ALMS1: variants seen among roughly 807,000 people sequenced by gnomAD.
ALMS1 encodes centrosome-associated protein ALMS1.
Under a neutral mutation model 352.2 loss-of-function variants are expected in ALMS1, and 271 were observed. That is an observed-to-expected ratio of 0.77 (90% CI 0.70 to 0.85). ALMS1 has a LOEUF of 0.85. Ranked by LOEUF, ALMS1 falls within the 40% of genes least tolerant of loss-of-function variation. ALMS1 has a pLI of 0.00. For synonymous variants in ALMS1, 1,865 were observed against 1,761.2 expected (o/e 1.06, Z -1.48); for missense variants, 5,445 against 4,870.7 (o/e 1.12, Z -3.51).
At chr2:73,583,173 A>C (rs1315996830) in intron 16 of ALMS1, among the ~76,000 whole-genome samples, 1 of 150,354 alleles carries the variant, frequency 6.7e-6, no homozygotes, top group Non-Finnish European at 1.5e-5. Flanking sequence ...CTTTAGAGAA[A>C]TGTCTATTCA....
intron 9 of ALMS1, among the ~76,000 whole-genome samples, chr2:73,464,320 T>C (rs1183213758): frequency 1.3e-5 from 2 of 152,192 alleles, no homozygotes; most frequent in Admixed American, 1.3e-4. Context: ...TAATCCAGCA[T>C]ATACACAGAA....
intron 11 of ALMS1, among the ~76,000 whole-genome samples, chr2:73,530,189 G>A (rs1231475230): frequency 1.3e-5 from 2 of 152,202 alleles, no homozygotes; most frequent in Non-Finnish European, 2.9e-5. Context: ...AAAGTCTCAT[G>A]TGAGACAAGG....
At chr2:73,412,537 C>G (rs1271980833) in intron 2 of ALMS1, among the ~76,000 whole-genome samples, 1 of 152,138 alleles carries the variant, frequency 6.6e-6, no homozygotes, top group Non-Finnish European at 1.5e-5. Flanking sequence ...CGCCTGTAAT[C>G]CCAGCACTTT....
chr2:73,519,562 G>A (rs972819728), intron 10 of ALMS1, among the ~76,000 whole-genome samples: 1 of 152,066 alleles, frequency 6.6e-6, no homozygotes, highest in Admixed American at 6.6e-5. Context: ...TTAAAAGTAG[G>A]TTTTAAGATA....
At chr2:73,482,184 T>C (rs1047690862) in intron 9 of ALMS1, among the ~76,000 whole-genome samples, 1 of 152,246 alleles carries the variant, frequency 6.6e-6, no homozygotes, top group South Asian at 2.1e-4. Context: ...TTCCAGTTTT[T>C]GGGCATTCAG....
chr2:73,430,189 G>A (rs951752922), intron 6 of ALMS1, among the ~76,000 whole-genome samples: 7 of 150,606 alleles, frequency 4.6e-5, no homozygotes, highest in Admixed American at 3.3e-4. Flanking sequence ...CCATTCTCCT[G>A]CCTCAGCCTC....
At chr2:73,545,133 T>C (rs1451865282) in intron 12 of ALMS1, among the ~76,000 whole-genome samples, 1 of 151,970 alleles carries the variant, frequency 6.6e-6, no homozygotes, top group Non-Finnish European at 1.5e-5. Flanking sequence ...AGTGTGAATA[T>C]ACTTAATGCC....
At chr2:73,542,320 C>T (rs559119932) in intron 12 of ALMS1, among the ~76,000 whole-genome samples, 2 of 152,124 alleles carry the variant, frequency 1.3e-5, no homozygotes, top group South Asian at 2.1e-4. Flanking sequence ...ATTCAACAAC[C>T]CTTCATGCTA....
chr2:73,439,977 T>A (rs995003329), intron 7 of ALMS1, among the ~76,000 whole-genome samples: 1 of 152,114 alleles, frequency 6.6e-6, no homozygotes. Context: ...CTTTAATTTT[T>A]AAAAATTATT....
intron 16 of ALMS1, among the ~76,000 whole-genome samples, chr2:73,589,045 G>A (rs1675367360): frequency 2.0e-5 from 3 of 151,536 alleles, no homozygotes; most frequent in Middle Eastern, 3.4e-3. Flanking sequence ...CAGTATCACC[G>A]GAACAAAATA....
At chr2:73,440,935 G>C (rs1572926227) in intron 7 of ALMS1, among the ~76,000 whole-genome samples, 2 of 152,264 alleles carry the variant, frequency 1.3e-5, no homozygotes, top group African/African-American at 4.8e-5. Flanking sequence ...TAGTTTTCAG[G>C]GGAGTTGCAT....
intron 10 of ALMS1, among the ~76,000 whole-genome samples, chr2:73,504,651 T>C (rs1210448044): frequency 6.6e-6 from 1 of 152,244 alleles, no homozygotes; most frequent in African/African-American, 2.4e-5. Context: ...ATTTGGAATT[T>C]ATACAGTATG....
In ALMS1 at chr2:73,452,206, T is replaced by C. The variant is rs1224161191; in HGVS notation, c.5679T>C (p.Ser1893=). The part of the protein sequence containing the change: ...DQKTGIQIAS[S]SSYSNREKAS... ...AGACTGGGATACAAATAGCATCCTCTAGTTCCTACTCAAATAGAGAGAAGG... is the reference window on the plus strand; with the variant it reads ...AGACTGGGATACAAATAGCATCCTCCAGTTCCTACTCAAATAGAGAGAAGG... Residue 1893 remains serine (S), a synonymous_variant, in exon 8 of 23, where the codon TCT becomes TCC. Coordinates refer to ENST00000613296, the MANE Select transcript of ALMS1 (RefSeq NM_001378454.1). 3 of 1,614,098 alleles carry C rather than the reference T, an allele frequency of 1.9e-6. No homozygotes were observed. In the South Asian group the frequency reaches 3.3e-5, roughly 18 times the overall value.
At position 73,451,482 on chromosome 2, in the gene ALMS1, A is replaced by G; in HGVS notation, c.4955A>G (p.Asp1652Gly). ...GTTTCAGCTGCTCCTGGACCAGCTG[A>G]CCAGAAGACTGAGACATTACCAGTA... Reference protein sequence around the residue: ...VKVSAAPGPADQKTETLPVHS... With the variant: ...VKVSAAPGPAGQKTETLPVHS... Residue 1652 changes from aspartate to glycine, a missense_variant, in exon 8 of 23, where the codon GAC (aspartate) becomes GGC (glycine). Coordinates refer to ENST00000613296, the MANE Select transcript of ALMS1 (RefSeq NM_001378454.1). 6.2e-7 allele frequency: 1 copy of G among 1,614,094 alleles called. No homozygotes were observed. Among genetic ancestry groups the G allele is most frequent in the Non-Finnish European group, 8.5e-7 (1 of 1,179,990 alleles).
At chr2:73,542,760 C>A (rs141904581) in intron 12 of ALMS1, among the ~76,000 whole-genome samples, 2,459 of 152,076 alleles carry the variant, frequency 0.016, 67 homozygotes, top group African/African-American at 0.056. Context: ...AACTCCCATT[C>A]ACAATTGCTT....
chr2:73,453,881 C>T lies in ALMS1; in HGVS notation c.7354C>T (p.Pro2452Ser), dbSNP rs1388640263. ...VLLNFFPYVS[P>S]KTSITDSREE... ...TCTAAACTTCTTTCCATATGTTTCACCCAAGACAAGTATAACAGATAGCAG... is the reference window on the plus strand; with the variant it reads ...TCTAAACTTCTTTCCATATGTTTCATCCAAGACAAGTATAACAGATAGCAG... The change falls in exon 8 of 23, where the codon CCC becomes TCC. Residue 2452 changes from proline (P) to serine (S), a missense_variant. Transcript: ENST00000613296. 1 of 1,614,044 alleles carries T rather than the reference C, an allele frequency of 6.2e-7. No homozygotes were observed. Among genetic ancestry groups the T allele is most frequent in the South Asian group, 1.1e-5 (1 of 91,082 alleles).
intron 2 of ALMS1, among the ~76,000 whole-genome samples, chr2:73,416,038 C>T (rs1475222773): frequency 6.6e-6 from 1 of 152,086 alleles, no homozygotes; most frequent in African/African-American, 2.4e-5. Flanking sequence ...CTAATGGATA[C>T]ATCTGTCACT....
At position 73,424,910 on chromosome 2, in the gene ALMS1, C is replaced by A. The variant is rs771449454; in HGVS notation, c.1237+8C>A. The A allele has an allele frequency of 5.1e-6, 8 of 1,581,790 alleles. No homozygotes were observed. In the Admixed American group the frequency reaches 8.9e-5, roughly 18 times the overall value. On this transcript the variant is annotated splice_region_variant and intron_variant, in intron 5 of 22. Transcript: ENST00000613296. ...CAGAAACATATTTAACCAGTAAGTACCCTGATTCTTTTTCAGATTCATCTG... is the reference window on the plus strand; with the variant it reads ...CAGAAACATATTTAACCAGTAAGTAACCTGATTCTTTTTCAGATTCATCTG...
At chr2:73,565,054 C>G (rs1005718708) in intron 15 of ALMS1, among the ~76,000 whole-genome samples, 1 of 152,212 alleles carries the variant, frequency 6.6e-6, no homozygotes, top group South Asian at 2.1e-4. Context: ...ATGCACATCT[C>G]TCTGAAGAAA....
Sources: allele counts gnomAD v4.1 joint callset (sites outside exome capture counted in the v4.1 genomes callset), GRCh38; gene constraint gnomAD v4.1.1; transcripts MANE v1.5; gene names NCBI Gene and HGNC (gene_info 2026-07-23, HGNC 2026-07-21).